SAMD4A: variants seen among roughly 807,000 people sequenced by gnomAD.
SAMD4A encodes protein Smaug homolog 1.
A neutral mutation model predicts 81.3 loss-of-function variants in SAMD4A; 33 were observed. The ratio of observed to expected loss-of-function variants is 0.41; its 90% CI spans 0.31 to 0.54. The LOEUF (loss-of-function observed/expected upper bound fraction) is 0.54, where lower values mean the gene tolerates loss of function less well. Among genes scored for constraint, SAMD4A ranks in the 20% least tolerant of loss-of-function variants. The pLI is 0.37. For missense variants in SAMD4A, 854 were observed against 951.1 expected (o/e 0.90, Z 1.34); for synonymous variants, 389 against 382.1 (o/e 1.02, Z -0.21).
At chr14:54,595,765 G>A (rs1408963307) in intron 2 of SAMD4A, among the ~76,000 whole-genome samples, 1 of 152,082 alleles carries the variant, frequency 6.6e-6, no homozygotes, top group African/African-American at 2.4e-5. Context: ...ATTCTTATGT[G>A]GGCATTTTAG....
At chr14:54,716,055 G>C (rs1409070891) in intron 3 of SAMD4A, among the ~76,000 whole-genome samples, 1 of 152,156 alleles carries the variant, frequency 6.6e-6, no homozygotes, top group Admixed American at 6.5e-5. Flanking sequence ...CATCAAGACA[G>C]ATTCTTTTGG....
chr14:54,672,113 T>C (rs1038270835), intron 2 of SAMD4A, among the ~76,000 whole-genome samples: 2 of 151,086 alleles, frequency 1.3e-5, no homozygotes, highest in Non-Finnish European at 3.0e-5. Context: ...TTTTTTGAGA[T>C]GGGGTCTTGC....
intron 2 of SAMD4A, among the ~76,000 whole-genome samples, chr14:54,625,286 C>T (rs1291789344): frequency 2.0e-5 from 3 of 152,206 alleles, no homozygotes; most frequent in African/African-American, 7.2e-5. Context: ...CCTGCTGTTG[C>T]GTGCATTCAG....
chr14:54,738,712 G>A (rs886979125), intron 4 of SAMD4A, among the ~76,000 whole-genome samples: 4 of 152,206 alleles, frequency 2.6e-5, no homozygotes, highest in African/African-American at 4.8e-5. Flanking sequence ...CAGGTGATGC[G>A]TAGCAGGTGA....
At chr14:54,744,368 C>T (rs993240029) in intron 4 of SAMD4A, among the ~76,000 whole-genome samples, 3 of 152,144 alleles carry the variant, frequency 2.0e-5, no homozygotes, top group African/African-American at 7.2e-5. Flanking sequence ...TAACTGGAGC[C>T]CTGCTTCTGT....
intron 2 of SAMD4A, among the ~76,000 whole-genome samples, chr14:54,597,562 C>T (rs1385087304): frequency 1.3e-5 from 2 of 149,804 alleles, no homozygotes; most frequent in Admixed American, 6.7e-5. Context: ...TGTGAGCCAC[C>T]GCACCCGGCC....
intron 4 of SAMD4A, among the ~76,000 whole-genome samples, chr14:54,739,775 C>T (rs1197719383): frequency 2.0e-5 from 3 of 152,174 alleles, no homozygotes; most frequent in African/African-American, 7.2e-5. Context: ...ATGAGTGCAC[C>T]CAAGGAGCAG....
In SAMD4A at chr14:54,739,055, C is replaced by CTTTTTTTTTTTTTTTTTTTTT. The variant is rs3051648; in HGVS notation, c.979+1787_979+1788insTTTTTTTTTTTTTTTTTTTTT. On this transcript the variant is annotated intron_variant, in intron 4 of 12. Transcript: ENST00000554335. ...TACTTTGTTTTCTTTCTTTCCTTTT[C>CTTTTTTTTTTTTTTTTTTTTT]TTTTTTTTTTTTTTTTTTTGAGGCC... 2.8e-4 allele frequency among the ~76,000 whole-genome samples: 27 copies of CTTTTTTTTTTTTTTTTTTTTT among 97,348 alleles called. 3 individuals carry two copies. The highest frequency in any genetic ancestry group is 1.0e-3 in the African/African-American group (21 of 20,660). 63.9% of individuals were successfully genotyped at this position (97,348 alleles called of 152,430 possible).
intron 2 of SAMD4A, among the ~76,000 whole-genome samples, chr14:54,606,911 G>T (rs2034221337): frequency 6.6e-6 from 1 of 152,200 alleles, no homozygotes; most frequent in Non-Finnish European, 1.5e-5. Context: ...GATCTTCACT[G>T]GGCTGTGTCC....
chr14:54,635,892 A>G (rs1398744016), intron 2 of SAMD4A, among the ~76,000 whole-genome samples: 1 of 152,220 alleles, frequency 6.6e-6, no homozygotes, highest in African/African-American at 2.4e-5. Context: ...AATAGTTATC[A>G]AGCAACTGCT....
At chr14:54,603,165 A>C (rs1019700140) in intron 2 of SAMD4A, among the ~76,000 whole-genome samples, 2 of 152,224 alleles carry the variant, frequency 1.3e-5, no homozygotes, top group Non-Finnish European at 2.9e-5. Flanking sequence ...CATCTGATAC[A>C]TAATCTAAGA....
intron 2 of SAMD4A, among the ~76,000 whole-genome samples, chr14:54,609,272 C>G (rs1407842406): frequency 1.3e-5 from 2 of 152,194 alleles, no homozygotes; most frequent in Non-Finnish European, 2.9e-5. Context: ...CCACTGCTGA[C>G]TTCAAAGATG....
chr14:54,572,516 G>A (rs1212736577), intron 2 of SAMD4A, among the ~76,000 whole-genome samples: 1 of 152,220 alleles, frequency 6.6e-6, no homozygotes, highest in Admixed American at 6.5e-5. Flanking sequence ...TGGCCACATG[G>A]TGGCATTATC....
At chr14:54,694,545 G>T in intron 2 of SAMD4A, 1 of 773,358 alleles carries the variant, frequency 1.3e-6, no homozygotes, top group African/African-American at 1.9e-5. Flanking sequence ...CATGGAGAGG[G>T]TGCAGTTGGA....
In SAMD4A at chr14:54,737,028, C is replaced by T. The variant is rs1423867139; in HGVS notation, c.720C>T (p.Leu240=). 2 of 1,612,774 alleles carry T rather than the reference C, an allele frequency of 1.2e-6. No individual in the cohort carries two copies. Among genetic ancestry groups the T allele is most frequent in the Admixed American group, 1.7e-5 (1 of 59,808 alleles). The change falls in exon 4 of 13, where the codon CTC becomes CTT. Residue 240 remains leucine (L), a synonymous_variant. Transcript: ENST00000554335. ...TCATTTTATTTTTTTTTCCAGTTCT[C>T]TCAGGCCAGGCACACCACAGCCCTT... ...NTIGTSTSTI[L]SGQAHHSPLK...
intron 2 of SAMD4A, among the ~76,000 whole-genome samples, chr14:54,604,794 AT>A (rs919447419): frequency 4.6e-5 from 7 of 152,232 alleles, no homozygotes; most frequent in African/African-American, 1.7e-4. Context: ...ACTTATTAAT[AT>A]GTATAGTTAA....
intron 2 of SAMD4A, among the ~76,000 whole-genome samples, chr14:54,688,694 TA>T (rs2036346065): frequency 6.6e-6 from 1 of 152,210 alleles, no homozygotes; most frequent in Admixed American, 6.5e-5. Flanking sequence ...CAACTTCCTC[TA>T]AAAATAGGTC....
Position 54,789,038 on chromosome 14 carries a change from T to C in SAMD4A, c.*94T>C. On this transcript the variant is annotated 3_prime_UTR_variant, in exon 13 of 13. Coordinates refer to ENST00000554335, the MANE Select transcript of SAMD4A (RefSeq NM_015589.6). ...CAGGGTTGCACAGAATCCTCCAAGA[T>C]ACTTTGCAGCCTTTTTTCCCCCTGG... 7.0e-7 allele frequency: 1 copy of C among 1,424,250 alleles called. No individual in the cohort carries two copies. The highest frequency in any genetic ancestry group is 1.7e-5 in the Admixed American group (1 of 59,502). The allele number at this position is 1,424,250 out of a possible 1,614,324, so 88.2% of individuals were successfully genotyped here.
At chr14:54,672,160 A>G (rs1321223696) in intron 2 of SAMD4A, among the ~76,000 whole-genome samples, 1 of 151,880 alleles carries the variant, frequency 6.6e-6, no homozygotes, top group Non-Finnish European at 1.5e-5. Flanking sequence ...CCTGGGTTCA[A>G]GCGATTCTCC....
Sources: allele counts gnomAD v4.1 joint callset (sites outside exome capture counted in the v4.1 genomes callset), GRCh38; gene constraint gnomAD v4.1.1; transcripts MANE v1.5; gene names NCBI Gene and HGNC (gene_info 2026-07-23, HGNC 2026-07-21).